The following ZSWIM4 variants were observed in gnomAD, a reference collection of about 807,000 sequenced individuals.
The protein encoded by ZSWIM4 is zinc finger SWIM-type containing 4, also known as zinc finger SWIM domain-containing protein 4.
ZSWIM4 carries 62 observed loss-of-function variants against 102.5 expected under a neutral mutation model. The ratio of observed to expected loss-of-function variants is 0.60; its 90% CI spans 0.49 to 0.75. The LOEUF (loss-of-function observed/expected upper bound fraction) is 0.75, where lower values mean the gene tolerates loss of function less well. Among genes scored for constraint, ZSWIM4 ranks in the 30% least tolerant of loss-of-function variants. ZSWIM4 has a pLI of 0.00. For synonymous variants in ZSWIM4, 652 were observed against 674.5 expected (o/e 0.97, Z 0.52); for missense variants, 1,280 against 1,529.6 (o/e 0.84, Z 2.72).
At chr19:13,811,654 T>C (rs1975096165) in intron 5 of ZSWIM4, among the ~76,000 whole-genome samples, 1 of 152,184 alleles carries the variant, frequency 6.6e-6, no homozygotes, top group Non-Finnish European at 1.5e-5. Context: ...GACGACATGA[T>C]GAGACCCTGT....
At chr19:13,827,936 A>T (rs1975655820) in intron 12 of ZSWIM4, among the ~76,000 whole-genome samples, 1 of 152,148 alleles carries the variant, frequency 6.6e-6, no homozygotes, top group East Asian at 1.9e-4. Context: ...GAGCGAAGGG[A>T]CAGGTTGGTT....
chr19:13,807,032 G>A (rs561196668), intron 3 of ZSWIM4, among the ~76,000 whole-genome samples: 1 of 152,094 alleles, frequency 6.6e-6, no homozygotes, highest in South Asian at 2.1e-4. Context: ...TAGTTATTGG[G>A]TGATAACTAA....
chr19:13,821,161 G>A (rs899276455), intron 10 of ZSWIM4, among the ~76,000 whole-genome samples: 2 of 151,928 alleles, frequency 1.3e-5, no homozygotes, highest in Non-Finnish European at 2.9e-5. Context: ...GTGCATACCT[G>A]TAATCCCAGC....
rs779160563 is a variant in ZSWIM4 at position 13,828,625 on chromosome 19, T to C, written c.2380-20T>C. 6.2e-7 allele frequency: 1 copy of C among 1,613,542 alleles called. No individual in the cohort carries two copies. Among genetic ancestry groups the C allele is most frequent in the Non-Finnish European group, 8.5e-7 (1 of 1,179,618 alleles). On this transcript the variant is annotated intron_variant, in intron 12 of 13. Coordinates refer to ENST00000590508, the MANE Select transcript of ZSWIM4 (RefSeq NM_001367834.3). ...CCCAAGACTCAGGCTAACCCCCTTC[T>C]CCCCACCCCTACCTTGCAGGTGATG...
intron 12 of ZSWIM4, among the ~76,000 whole-genome samples, chr19:13,826,637 C>T (rs545411735): frequency 2.6e-5 from 4 of 152,196 alleles, no homozygotes; most frequent in South Asian, 2.1e-4. Context: ...TGGTGGCACG[C>T]GCCTGTAATC....
chr19:13,808,935 A>G lies in ZSWIM4; in HGVS notation c.812A>G (p.Asn271Ser), dbSNP rs747461492. Residue 271 changes from asparagine to serine, a missense_variant, in exon 4 of 14, where the codon AAT becomes AGT. By Grantham distance (46) the Asn-to-Ser change is conservative. Transcript: ENST00000590508. ...IQEQVKQLLSNGGYYGASQQL... is the reference protein window; with the variant it reads ...IQEQVKQLLSSGGYYGASQQL... ...GAGCAGGTGAAGCAGCTACTGTCCA[A>G]TGGCGGCTACTACGGGGCCAGCCAG... The G allele has an allele frequency of 1.2e-6, 2 of 1,610,642 alleles. No homozygotes were observed. Among genetic ancestry groups the G allele is most frequent in the East Asian group, 2.2e-5 (1 of 44,752 alleles).
At chr19:13,800,065 A>ATTTTTTT (rs71170569) in intron 2 of ZSWIM4, 144 bp downstream of exon 2, 16,624 of 378,798 alleles carry the variant, frequency 0.044, 870 homozygotes, top group African/African-American at 0.13. Flanking sequence ...ATTGTACAAG[A>ATTTTTTT]TTTTTTTTTT....
At chr19:13,795,945 C>T (rs1424229843) in intron 1 of ZSWIM4, 144 bp downstream of exon 1, 4 of 468,258 alleles carry the variant, frequency 8.5e-6, no homozygotes, top group African/African-American at 6.3e-5. Flanking sequence ...ACCCTTAACC[C>T]TGCCTGGAAA....
At chr19:13,808,464 A>G (rs1367965991) in intron 3 of ZSWIM4, among the ~76,000 whole-genome samples, 1 of 152,002 alleles carries the variant, frequency 6.6e-6, no homozygotes, top group African/African-American at 2.4e-5. Context: ...GGTCGGGCAC[A>G]GTAGCTTATG....
In ZSWIM4 at chr19:13,825,685, T is replaced by G; in HGVS notation, c.2351T>G (p.Leu784Arg). 6.2e-7 allele frequency: 1 copy of G among 1,611,940 alleles called. No individual in the cohort carries two copies. The highest frequency in any genetic ancestry group is 1.7e-5 in the Admixed American group (1 of 60,012). Residue 784 changes from leucine to arginine, a missense_variant, in exon 12 of 14, where the codon CTG becomes CGG. Transcript: ENST00000590508. The surrounding 1 kb of genome is among the most constrained non-coding windows in gnomAD (Gnocchi z 4.6). ...AGCGCCCCACCAGACACCACGCTGC[T>G]GGGCATCGCACTGGAGCTGGGGCTG... ...PVSAPPDTTL[L>R]GIALELGLQV...
intron 12 of ZSWIM4, among the ~76,000 whole-genome samples, chr19:13,826,956 C>T (rs1238987186): frequency 1.3e-5 from 2 of 151,712 alleles, no homozygotes; most frequent in South Asian, 2.1e-4. Flanking sequence ...AGGTAAGGGG[C>T]GGGGCCTCAA....
intron 11 of ZSWIM4, 78 bp downstream of exon 11, chr19:13,823,578 C>A: frequency 6.7e-7 from 1 of 1,488,722 alleles, no homozygotes; most frequent in Non-Finnish European, 9.1e-7. Flanking sequence ...AACTTTCCTG[C>A]CTCCTCTTAT....
rs1208037980 is a variant in ZSWIM4 at position 13,814,511 on chromosome 19, G to C, written c.1181-4G>C. 11 of 1,158,176 alleles carry C rather than the reference G, an allele frequency of 9.5e-6. No homozygotes were observed. The highest frequency in any genetic ancestry group is 1.1e-5 in the Non-Finnish European group (10 of 920,534). 71.7% of individuals were successfully genotyped at this position (1,158,176 alleles called of 1,614,324 possible). A position where few individuals can be genotyped will look rare whatever the true frequency, so the allele number is the denominator to read the frequency against. On this transcript the variant is annotated splice_polypyrimidine_tract_variant and splice_region_variant and intron_variant, in intron 6 of 13. Coordinates refer to ENST00000590508, the MANE Select transcript of ZSWIM4 (RefSeq NM_001367834.3). ...ACTGAGCCATGTTGGGTGCCTCTCTGCAGGCTCGGAGGAAGAGGAAGAGGT... is the reference window on the plus strand; with the variant it reads ...ACTGAGCCATGTTGGGTGCCTCTCTCCAGGCTCGGAGGAAGAGGAAGAGGT...
intron 2 of ZSWIM4, 119 bp downstream of exon 2, chr19:13,800,040 C>A: frequency 3.6e-6 from 3 of 827,734 alleles, no homozygotes; most frequent in East Asian, 5.6e-5. Context: ...CCTCAGGCTT[C>A]GAGGCCCAGA....
chr19:13,829,871 T>C (rs1417440762), intron 13 of ZSWIM4, among the ~76,000 whole-genome samples: 1 of 151,332 alleles, frequency 6.6e-6, no homozygotes, highest in Non-Finnish European at 1.5e-5. Context: ...GAGACTCTTC[T>C]CCGATTCCAG....
chr19:13,808,694 G>A (rs1413218183), intron 3 of ZSWIM4, 142 bp from the exon 4 acceptor site: 4 of 879,768 alleles, frequency 4.5e-6, no homozygotes, highest in Admixed American at 6.0e-5. Flanking sequence ...AGCGAAGATC[G>A]TGCTACAGCA....
intron 10 of ZSWIM4, among the ~76,000 whole-genome samples, chr19:13,820,880 T>G (rs1463417525): frequency 6.7e-6 from 1 of 148,570 alleles, no homozygotes. Flanking sequence ...AAGAACCACT[T>G]GGAAGCTGAT....
chr19:13,798,970 G>A (rs1271503425), intron 1 of ZSWIM4, among the ~76,000 whole-genome samples: 1 of 151,424 alleles, frequency 6.6e-6, no homozygotes, highest in Non-Finnish European at 1.5e-5. Context: ...TGTATTTTTA[G>A]TAGAGACGGG....
At chr19:13,812,660 G>C (rs1416945422) in intron 5 of ZSWIM4, among the ~76,000 whole-genome samples, 1 of 148,126 alleles carries the variant, frequency 6.8e-6, no homozygotes, top group Non-Finnish European at 1.5e-5. Context: ...AGTAGAGACA[G>C]GGCTTCACCC....
Sources: allele counts gnomAD v4.1 joint callset (sites outside exome capture counted in the v4.1 genomes callset), GRCh38; gene constraint gnomAD v4.1.1; non-coding constraint Gnocchi (gnomAD v3.1); transcripts MANE v1.5; gene names NCBI Gene and HGNC (gene_info 2026-07-23, HGNC 2026-07-21).